Variants in HNRNPH1 observed in about 807,000 individuals in gnomAD.
HNRNPH1 encodes the protein heterogeneous nuclear ribonucleoprotein H1.
A neutral mutation model predicts 58.6 loss-of-function variants in HNRNPH1; 4 were observed. The observed-to-expected ratio is 0.07, with a 90% CI of 0.03 to 0.16. The LOEUF (loss-of-function observed/expected upper bound fraction) is 0.16, where lower values mean the gene tolerates loss of function less well. Among genes scored for constraint, HNRNPH1 ranks in the 10% least tolerant of loss-of-function variants. HNRNPH1 has a pLI of 1.00. For synonymous variants in HNRNPH1, 192 were observed against 189.2 expected (o/e 1.01, Z -0.12); for missense variants, 271 against 564.2 (o/e 0.48, Z 5.26).
At chr5:179,620,806 T>G in intron 3 of HNRNPH1, 86 bp downstream of exon 4, 1 of 1,175,696 alleles carries the variant, frequency 8.5e-7, no homozygotes, top group South Asian at 1.3e-5. Flanking sequence ...CTGAAATACC[T>G]AAGCTACTCA....
intron 2 of HNRNPH1, 37 bp downstream of exon 3, chr5:179,621,205 G>A (rs199498613): frequency 1.1e-5 from 18 of 1,592,114 alleles, no homozygotes; most frequent in Non-Finnish European, 1.5e-5. Flanking sequence ...ATTGTTTAAT[G>A]CTTTATTTAC....
At chr5:179,622,430 G>A (rs1315148707) in intron 1 of HNRNPH1, among the ~76,000 whole-genome samples, 2 of 152,184 alleles carry the variant, frequency 1.3e-5, no homozygotes, top group Non-Finnish European at 2.9e-5. Context: ...AGACACCCGG[G>A]CCAGGCGCGG....
upstream of HNRNPH1, among the ~76,000 whole-genome samples, chr5:179,626,166 C>T (rs1249245811): frequency 6.6e-6 from 1 of 151,932 alleles, no homozygotes; most frequent in East Asian, 1.9e-4. Flanking sequence ...TACAGTGGTG[C>T]AATCTTGGCT....
chr5:179,623,439 C>T (rs1279717711), exon 1 of HNRNPH1: 1 of 244,468 alleles, frequency 4.1e-6, no homozygotes, highest in Non-Finnish European at 8.3e-6. Flanking sequence ...TCCGACTTCT[C>T]ACACAATAGA....
intron 1 of HNRNPH1, 41 bp downstream of exon 2, chr5:179,622,996 C>T (rs200893006): frequency 2.3e-5 from 21 of 902,198 alleles, no homozygotes; most frequent in Non-Finnish European, 3.0e-5. Context: ...CCGCCCGCCC[C>T]GGCCTCGAAC....
exon 5 of HNRNPH1, chr5:179,618,186 C>G: frequency 6.2e-7 from 1 of 1,614,186 alleles, no homozygotes; most frequent in East Asian, 2.2e-5. Flanking sequence ...AAAGCCAGCT[C>G]CTCTGCCAAT....
chr5:179,626,573 G>A (rs772311332), upstream of HNRNPH1, among the ~76,000 whole-genome samples: 15 of 151,058 alleles, frequency 9.9e-5, no homozygotes, highest in East Asian at 2.1e-3. Flanking sequence ...AAAAGTAGCC[G>A]GGCATGGTGT....
rs78222393 is a variant in HNRNPH1 at position 179,616,714 on chromosome 5, G to A, written c.1207+155C>T. On this transcript the variant is annotated intron_variant, in intron 10 of 12. Coordinates refer to ENST00000356731, the Ensembl canonical transcript of HNRNPH1. ...CCTAAGGAACTTCATAACTCACAAG[G>A]ATTTAAGTAAGCCAGATACAAAACT... The A allele has an allele frequency of 4.7e-3, 3,120 of 667,408 alleles. 64 individuals carry two copies. Among genetic ancestry groups the A allele is most frequent in the African/African-American group, 0.046 (2,513 of 54,942 alleles). The allele number at this position is 667,408 out of a possible 1,614,324, so 41.3% of individuals were successfully genotyped here. A position where few individuals can be genotyped will look rare whatever the true frequency, so the allele number is the denominator to read the frequency against.
intron 4 of HNRNPH1, 136 bp from the exon 6 acceptor site, chr5:179,618,459 A>G (rs928429025): frequency 1.8e-6 from 1 of 566,050 alleles, no homozygotes; most frequent in East Asian, 3.0e-5. Context: ...CAGATTTCTT[A>G]TATTTGCATA....
At chr5:179,631,715 C>A (rs1395356979) in intron 2 of HNRNPH1, among the ~76,000 whole-genome samples, 1 of 152,090 alleles carries the variant, frequency 6.6e-6, no homozygotes, top group Non-Finnish European at 1.5e-5. Context: ...CCACTGTACT[C>A]CAGCCTGGGC....
exon 7 of HNRNPH1, chr5:179,617,856 T>C (rs1243520792): frequency 1.2e-6 from 2 of 1,613,428 alleles, no homozygotes; most frequent in Non-Finnish European, 1.7e-6. Flanking sequence ...GTACACAGTG[T>C]CCTGTTGTGC....
At chr5:179,615,363 C>A in intron 12 of HNRNPH1, 183 bp downstream of exon 13, 2 of 503,000 alleles carry the variant, frequency 4.0e-6, no homozygotes, top group Non-Finnish European at 3.6e-6. Flanking sequence ...GGGGAAGTCT[C>A]TTGCTTTTCC....
upstream of HNRNPH1, chr5:179,629,060 G>A (rs559212486): frequency 1.0e-4 from 15 of 150,180 alleles, no homozygotes; most frequent in African/African-American, 3.4e-4. Context: ...CACTTTGGGA[G>A]GCCGAGGTGG....
chr5:179,619,229 A>G (rs775371351), intron 4 of HNRNPH1, 40 bp downstream of exon 5: 12 of 1,533,518 alleles, frequency 7.8e-6, no homozygotes, highest in Non-Finnish European at 8.9e-6. Context: ...ATTGTTTACC[A>G]TAAGAAAAGT....
At chr5:179,633,905 G>A (rs1180549465) in intron 2 of HNRNPH1, 3 of 101,800 alleles carry the variant, frequency 2.9e-5, no homozygotes, top group East Asian at 1.5e-3. Flanking sequence ...GTGATAGAGC[G>A]AGACTCCGTC....
intron 2 of HNRNPH1, among the ~76,000 whole-genome samples, chr5:179,630,190 A>G (rs920707776): frequency 3.3e-5 from 5 of 151,854 alleles, no homozygotes; most frequent in Non-Finnish European, 2.9e-5. Context: ...CTCTACTAAA[A>G]ATACAAAAAT....
At chr5:179,628,768 C>T (rs1199535259), upstream of HNRNPH1, among the ~76,000 whole-genome samples, 5 of 152,060 alleles carry the variant, frequency 3.3e-5, no homozygotes, top group Non-Finnish European at 7.4e-5. Context: ...GGTGAAACCC[C>T]GTCTCTACTA....
intron 5 of HNRNPH1, 32 bp downstream of exon 6, chr5:179,618,113 C>T (rs367788432): frequency 6.8e-6 from 11 of 1,613,378 alleles, no homozygotes; most frequent in South Asian, 1.1e-5. Flanking sequence ...AAGGAACAGA[C>T]GACTTGCCGA....
Position 179,617,036 on chromosome 5 carries a change from C to G in HNRNPH1, c.1117+15G>C. 1 of 1,610,302 alleles carries G rather than the reference C, an allele frequency of 6.2e-7. No individual in the cohort carries two copies. The stretch of plus-strand genomic sequence containing the variant: ...TGATATTTACACAAACCCATGCCTC[C>G]TAGCATTTGGCTACCGTAAGCACCA... On this transcript the variant is annotated intron_variant, in intron 9 of 12. Transcript: ENST00000356731.
Sources: allele counts gnomAD v4.1 joint callset (sites outside exome capture counted in the v4.1 genomes callset), GRCh38; gene constraint gnomAD v4.1.1; transcripts MANE v1.5; gene names NCBI Gene and HGNC (gene_info 2026-07-23, HGNC 2026-07-21).